Variants in CPLANE1 observed in about 807,000 individuals in gnomAD.
CPLANE1 encodes ciliogenesis and planar polarity effector complex subunit 1, also known as ciliogenesis and planar polarity effector 1.
Under a neutral mutation model 362.5 loss-of-function variants are expected in CPLANE1, and 263 were observed. That is an observed-to-expected ratio of 0.73 (90% confidence interval 0.66 to 0.80). The LOEUF (loss-of-function observed/expected upper bound fraction) is 0.80, where lower values mean the gene tolerates loss of function less well. CPLANE1 is among the 30% of genes least tolerant of loss of function. The probability of loss-of-function intolerance (pLI) is 0.00; values close to 1 mark genes in which losing one functional copy is unlikely to be tolerated. For missense variants in CPLANE1, 3,461 were observed against 3,793.4 expected (o/e 0.91, Z 2.30); for synonymous variants, 1,212 against 1,302.6 (o/e 0.93, Z 1.50).
At chr5:37,107,851 G>C in intron 52 of CPLANE1, 73 bp from the exon 53 acceptor site, 2 of 1,455,856 alleles carry the variant, frequency 1.4e-6, no homozygotes, top group Non-Finnish European at 1.8e-6. Context: ...AAAAAACCTG[G>C]AACGTGAACT....
chr5:37,205,595 T>C (rs553389009), intron 17 of CPLANE1, 141 bp from the exon 18 acceptor site: 1 of 600,182 alleles, frequency 1.7e-6, no homozygotes, highest in Non-Finnish European at 2.8e-6. Context: ...AAAAGATATA[T>C]TCAAGGAAAT....
At chr5:37,164,444 T>G (rs1777711888) in intron 36 of CPLANE1, 117 bp from the exon 37 acceptor site, 1 of 690,830 alleles carries the variant, frequency 1.4e-6, no homozygotes, top group Non-Finnish European at 2.5e-6. Context: ...ACTTCCATCA[T>G]TCTAGACATA....
chr5:37,148,155 G>C, intron 43 of CPLANE1, 26 bp downstream of exon 43: 3 of 1,567,172 alleles, frequency 1.9e-6, no homozygotes, highest in Non-Finnish European at 2.6e-6. Flanking sequence ...CAAGACTTCA[G>C]CCAGCCCCTA....
Position 37,162,557 on chromosome 5 carries a change from T to G in CPLANE1, c.7598A>C (p.Gln2533Pro), listed in dbSNP as rs1013620636. The change falls in exon 38 of 53, where the codon CAA becomes CCA. Residue 2533 changes from glutamine (Q) to proline (P), a missense_variant. This residue lies in a region of CPLANE1 where 3,380 missense variants were observed against 3,666.1 expected (regional missense o/e 0.92). Coordinates refer to ENST00000651892, the MANE Select transcript of CPLANE1 (RefSeq NM_001384732.1). ...DDFDVPFEML[Q>P]DDNTSAGLHF... ...CAATCCAGCTGAAGTATTATCATCT[T>G]GTAGCATTTCTTAAATATAATAAAA... 6.2e-7 allele frequency: 1 copy of G among 1,606,408 alleles called. No individual in the cohort carries two copies. The highest frequency in any genetic ancestry group is 1.3e-5 in the African/African-American group (1 of 74,766).
intron 49 of CPLANE1, 58 bp downstream of exon 49, chr5:37,121,559 T>C (rs1247441554): frequency 1.3e-6 from 2 of 1,523,074 alleles, no homozygotes; most frequent in East Asian, 2.3e-5. Context: ...AAGTGCTACA[T>C]TTCTTCTTAT....
At chr5:37,084,586 C>G in the CPLANE1 span, among the ~76,000 whole-genome samples, 1 of 151,832 alleles carries the variant, frequency 6.6e-6, no homozygotes, top group Non-Finnish European at 1.5e-5. Context: ...GTGAGACCAG[C>G]CTGACCAACA....
At chr5:37,217,324 G>A (rs890417037) in intron 15 of CPLANE1, among the ~76,000 whole-genome samples, 16 of 152,110 alleles carry the variant, frequency 1.1e-4, no homozygotes, top group Non-Finnish European at 1.5e-4. Flanking sequence ...TGTAAATCTC[G>A]ACCGGGTGCA....
In CPLANE1 at chr5:37,169,397, T is replaced by C; in HGVS notation, c.6627A>G (p.Ala2209=). The change falls in exon 34 of 53, where the codon GCA becomes GCG. Residue 2209 remains alanine (A), a synonymous_variant. Coordinates refer to ENST00000651892, the MANE Select transcript of CPLANE1 (RefSeq NM_001384732.1). The stretch of plus-strand genomic sequence containing the variant: ...TTTTTGCATGTGGGATAAGTCTAGG[T>C]GCCTTCTGAACAACAGAAGGTGTGG... ...LLSTPSVVQK[A]PRLIPHAKTF... The C allele has an allele frequency of 6.2e-7, 1 of 1,614,206 alleles. No homozygotes were observed. Among genetic ancestry groups the C allele is most frequent in the Non-Finnish European group, 8.5e-7 (1 of 1,180,024 alleles).
In CPLANE1 at chr5:37,184,926, A is replaced by G. The variant is rs550561225; in HGVS notation, c.4343T>C (p.Val1448Ala). 8 of 1,614,076 alleles carry G rather than the reference A, an allele frequency of 5.0e-6. No individual in the cohort carries two copies. Among genetic ancestry groups the G allele is most frequent in the Non-Finnish European group, 5.9e-6 (7 of 1,179,980 alleles). The stretch of plus-strand genomic sequence containing the variant: ...ACTAGTCCCCAGGGAATATCTGTCA[A>G]CACCTGGAGCCTCATCTGGTTTCTC... ...EEEKPDEAPG[V>A]DRYSLGTSLS... is the part of the protein sequence containing the mutation. The change falls in exon 25 of 53, where the codon GTT (valine) becomes GCT (alanine). Residue 1448 changes from valine to alanine, a missense_variant. Around this residue, in one of 2 missense-constraint regions of CPLANE1, gnomAD observed 3,380 missense variants for 3,666.1 expected, o/e 0.92. Coordinates refer to ENST00000651892, the MANE Select transcript of CPLANE1 (RefSeq NM_001384732.1).
At chr5:37,119,018 A>T (rs757545519) in intron 50 of CPLANE1, among the ~76,000 whole-genome samples, 17 of 152,012 alleles carry the variant, frequency 1.1e-4, no homozygotes, top group Non-Finnish European at 2.5e-4. Flanking sequence ...GGCCTATTTT[A>T]CATTTTTAAA....
At position 37,167,106 on chromosome 5, in the gene CPLANE1, T is replaced by A; in HGVS notation, c.7341A>T (p.Gln2447His). The A allele has an allele frequency of 6.2e-7, 1 of 1,613,260 alleles. No homozygotes were observed. The highest frequency in any genetic ancestry group is 2.2e-5 in the East Asian group (1 of 44,802). ...LFEQGDAGHL[Q>H]LLKVKIEPPE... ...GTGGTTCTATTTTGACCTTTAGAAG[T>A]TGAAGGTGTCCAGCATCACCTTGTT... Residue 2447 changes from glutamine (Q) to histidine (H), a missense_variant, in exon 35 of 53, where the codon CAA becomes CAT. By Grantham distance (24) the Gln-to-His change is conservative (BLOSUM62 0). Transcript: ENST00000651892.
chr5:37,208,679 C>CG (rs199674641), intron 16 of CPLANE1, among the ~76,000 whole-genome samples: 8,046 of 113,598 alleles, frequency 0.071, 768 homozygotes, highest in African/African-American at 0.26. Context: ...TCTGTCTCCC[C>CG]CCCCCCCCAA....
intron 4 of CPLANE1, among the ~76,000 whole-genome samples, chr5:37,245,062 G>A (rs1489923573): frequency 6.6e-6 from 1 of 151,692 alleles, no homozygotes; most frequent in Non-Finnish European, 1.5e-5. Context: ...TGAGGCAGGA[G>A]AATGGCGTGG....
chr5:37,120,834 G>A (rs941091505), intron 49 of CPLANE1, among the ~76,000 whole-genome samples: 4 of 152,030 alleles, frequency 2.6e-5, no homozygotes, highest in Non-Finnish European at 5.9e-5. Flanking sequence ...GGAATCTTTG[G>A]TATTTGAAGT....
chr5:37,187,803 T>G lies in CPLANE1; in HGVS notation c.3851A>C (p.His1284Pro). Reference sequence around the variant, plus strand: ...ACTATAGGATAACTTATCACGGACATGCAGCATCCAACACAGAGCACAAAG... The same window carrying G: ...ACTATAGGATAACTTATCACGGACAGGCAGCATCCAACACAGAGCACAAAG... ...RELCALCWML[H>P]VRDKLSYSCR... Residue 1284 changes from histidine to proline, a missense_variant, in exon 22 of 53, where the codon CAT becomes CCT. By Grantham distance (77) the His-to-Pro change is moderately conservative (BLOSUM62 -2). Coordinates refer to ENST00000651892, the MANE Select transcript of CPLANE1 (RefSeq NM_001384732.1). The G allele has an allele frequency of 1.2e-6, 2 of 1,613,920 alleles. No homozygotes were observed. The highest frequency in any genetic ancestry group is 1.7e-6 in the Non-Finnish European group (2 of 1,179,890).
At chr5:37,200,072 C>T (rs990750193) in intron 19 of CPLANE1, among the ~76,000 whole-genome samples, 12 of 152,320 alleles carry the variant, frequency 7.9e-5, no homozygotes, top group African/African-American at 2.9e-4. Context: ...GAAGATGACA[C>T]CTCAGAAAAC....
intron 51 of CPLANE1, among the ~76,000 whole-genome samples, chr5:37,110,198 C>A (rs1758744715): frequency 6.6e-6 from 1 of 152,150 alleles, no homozygotes. Context: ...CAAGTAAAAT[C>A]CAAACTCCTT....
the CPLANE1 span, among the ~76,000 whole-genome samples, chr5:37,076,711 A>G: frequency 4.0e-5 from 6 of 151,848 alleles, no homozygotes; most frequent in Non-Finnish European, 7.4e-5. Flanking sequence ...TCCCTTTGTC[A>G]TTGAGCATAC....
chr5:37,196,957 T>C (rs1342582467), intron 20 of CPLANE1, among the ~76,000 whole-genome samples: 1 of 151,478 alleles, frequency 6.6e-6, no homozygotes, highest in African/African-American at 2.4e-5. Flanking sequence ...AAAGAAAATT[T>C]GAACTCCAAT....
Sources: allele counts gnomAD v4.1 joint callset (sites outside exome capture counted in the v4.1 genomes callset), GRCh38; gene constraint gnomAD v4.1.1; regional missense constraint gnomAD v4.1.1; transcripts MANE v1.5; gene names NCBI Gene and HGNC (gene_info 2026-07-23, HGNC 2026-07-21).